PKP4: variants seen among roughly 807,000 people sequenced by gnomAD.
PKP4 encodes plakophilin 4, also known as plakophilin-4.
PKP4 carries 90 observed loss-of-function variants against 145.1 expected under a neutral mutation model. The observed-to-expected ratio is 0.62, with a 90% CI of 0.52 to 0.74. The LOEUF (loss-of-function observed/expected upper bound fraction) is 0.74, where lower values mean the gene tolerates loss of function less well. Among genes scored for constraint, PKP4 ranks in the 30% least tolerant of loss-of-function variants. The pLI is 0.00. For synonymous variants in PKP4, 563 were observed against 577.2 expected, an observed-to-expected ratio of 0.98 and a Z score of 0.35; for missense variants, 1,340 against 1,482.7, an observed-to-expected ratio of 0.90 and a Z score of 1.58.
chr2:158,570,437 A>C (rs565637523), intron 2 of PKP4, among the ~76,000 whole-genome samples: 1 of 152,354 alleles, frequency 6.6e-6, no homozygotes, highest in South Asian at 2.1e-4. Context: ...CTCTATCTTA[A>C]AAATCTAGTC....
chr2:158,518,288 T>C (rs2042090465), intron 1 of PKP4, among the ~76,000 whole-genome samples: 1 of 152,178 alleles, frequency 6.6e-6, no homozygotes, highest in South Asian at 2.1e-4. Context: ...AGCTTAGTGA[T>C]CTCAGGGTTT....
At chr2:158,512,667 C>G (rs1243925557) in intron 1 of PKP4, among the ~76,000 whole-genome samples, 1 of 152,140 alleles carries the variant, frequency 6.6e-6, no homozygotes, top group Non-Finnish European at 1.5e-5. Flanking sequence ...TGATATTAAC[C>G]CTTTCTTAAA....
At chr2:158,547,083 A>C (rs947376538) in intron 2 of PKP4, among the ~76,000 whole-genome samples, 9 of 152,146 alleles carry the variant, frequency 5.9e-5, no homozygotes, top group African/African-American at 2.2e-4. Context: ...GGCAGTGGTA[A>C]GTGTAAGATG....
At chr2:158,585,746 T>A (rs750329839) in intron 3 of PKP4, among the ~76,000 whole-genome samples, 6 of 152,194 alleles carry the variant, frequency 3.9e-5, no homozygotes, top group Admixed American at 2.0e-4. Context: ...CTGAGAGTGC[T>A]TTTTATAAAA....
At chr2:158,644,706 C>A (rs1018181142) in intron 11 of PKP4, among the ~76,000 whole-genome samples, 2 of 152,078 alleles carry the variant, frequency 1.3e-5, no homozygotes, top group Non-Finnish European at 2.9e-5. Flanking sequence ...GTTAAAATTT[C>A]TAATTGGAAT....
chr2:158,632,390 A>T (rs1047214593), intron 8 of PKP4: 2 of 178,248 alleles, frequency 1.1e-5, no homozygotes, highest in East Asian at 2.9e-4. Flanking sequence ...TTAATGTTGG[A>T]TGTTCTCTGA....
intron 2 of PKP4, among the ~76,000 whole-genome samples, chr2:158,570,053 A>G (rs933273357): frequency 2.0e-5 from 3 of 152,350 alleles, no homozygotes; most frequent in Admixed American, 6.5e-5. Context: ...CATTTCTATA[A>G]TTAATTATAC....
chr2:158,460,277 A>G (rs999250404), intron 1 of PKP4, among the ~76,000 whole-genome samples: 1 of 152,216 alleles, frequency 6.6e-6, no homozygotes, highest in African/African-American at 2.4e-5. Context: ...CTGACATGAT[A>G]TGAATTTAAA....
intron 2 of PKP4, among the ~76,000 whole-genome samples, chr2:158,540,714 CT>C (rs1223591937): frequency 8.5e-5 from 13 of 152,224 alleles, no homozygotes; most frequent in Non-Finnish European, 1.8e-4. Context: ...AGTTTGTTAA[CT>C]TAGGCATTTT....
In PKP4 at chr2:158,568,933, A is replaced by T. The variant is rs964390008; in HGVS notation, c.133-8338A>T. 1.3e-5 allele frequency among the ~76,000 whole-genome samples: 2 copies of T among 152,170 alleles called. 1 individual carries two copies. Among genetic ancestry groups the T allele is most frequent in the African/African-American group, 4.8e-5 (2 of 41,442 alleles). On this transcript the variant is annotated intron_variant, in intron 2 of 21. Transcript: ENST00000389759. ...GGTTGCAGTGAGCCAAGATCATGCC[A>T]CTACACTCCAGCCTGGGCGACAGAG...
intron 4 of PKP4, among the ~76,000 whole-genome samples, chr2:158,610,566 C>T (rs2051050310): frequency 6.6e-6 from 1 of 152,136 alleles, no homozygotes; most frequent in African/African-American, 2.4e-5. Context: ...AATAGCTACA[C>T]ACAGTATATG....
At chr2:158,556,294 C>T (rs1311007599) in intron 2 of PKP4, among the ~76,000 whole-genome samples, 1 of 152,100 alleles carries the variant, frequency 6.6e-6, no homozygotes, top group Non-Finnish European at 1.5e-5. Flanking sequence ...TTTAACAGCT[C>T]GGTGTGTTGT....
intron 1 of PKP4, among the ~76,000 whole-genome samples, chr2:158,532,178 TAGTAG>T (rs2043613669): frequency 6.6e-6 from 1 of 152,176 alleles, no homozygotes; most frequent in African/African-American, 2.4e-5. Context: ...TGAATAATAA[TAGTAG>T]AGTAGTTTGC....
intron 4 of PKP4, among the ~76,000 whole-genome samples, chr2:158,618,698 T>C (rs1006041536): frequency 3.9e-5 from 6 of 152,138 alleles, no homozygotes; most frequent in African/African-American, 1.4e-4. Flanking sequence ...ACACAATTTC[T>C]GAGCTACAAT....
Position 158,657,167 on chromosome 2 carries a change from C to T in PKP4, c.1910-964C>T, listed in dbSNP as rs550227392. Among the ~76,000 whole-genome samples, 187 of 152,268 alleles carry T rather than the reference C, an allele frequency of 1.2e-3. 2 individuals are homozygous for T. The highest frequency in any genetic ancestry group is 2.3e-3 in the Non-Finnish European group (159 of 68,028). On this transcript the variant is annotated intron_variant, in intron 11 of 21. Transcript: ENST00000389759. ...TGAATGCAGAGAAAAACCAGCTGCA[C>T]CATCTCTTCTCCACCTACTTTCCTC...
At chr2:158,655,656 A>T (rs2055836610) in intron 11 of PKP4, among the ~76,000 whole-genome samples, 1 of 152,230 alleles carries the variant, frequency 6.6e-6, no homozygotes, top group Non-Finnish European at 1.5e-5. Context: ...TATCCTATTG[A>T]AAAATGCAGC....
intron 1 of PKP4, among the ~76,000 whole-genome samples, chr2:158,531,208 A>G (rs1378828048): frequency 1.3e-5 from 2 of 152,206 alleles, no homozygotes; most frequent in Non-Finnish European, 2.9e-5. Flanking sequence ...CTCCTTCTAT[A>G]TTAATAAATA....
intron 1 of PKP4, among the ~76,000 whole-genome samples, chr2:158,529,049 C>A (rs12614647): frequency 6.6e-6 from 1 of 152,206 alleles, no homozygotes; most frequent in Non-Finnish European, 1.5e-5. Flanking sequence ...TCTACACTAT[C>A]CCTCCTGCAA....
chr2:158,648,423 G>C (rs1259231359), intron 11 of PKP4, among the ~76,000 whole-genome samples: 1 of 152,210 alleles, frequency 6.6e-6, no homozygotes, highest in African/African-American at 2.4e-5. Context: ...AGTCTGGCAA[G>C]AATTAGTCTT....
Sources: allele counts gnomAD v4.1 joint callset (sites outside exome capture counted in the v4.1 genomes callset), GRCh38; gene constraint gnomAD v4.1.1; transcripts MANE v1.5; gene names NCBI Gene and HGNC (gene_info 2026-07-23, HGNC 2026-07-21).